FSTL5: variants seen among roughly 807,000 people sequenced by gnomAD.
FSTL5 encodes follistatin-related protein 5.
Under a neutral mutation model 89.1 loss-of-function variants are expected in FSTL5, and 62 were observed. The observed-to-expected ratio is 0.70, with a 90% CI of 0.57 to 0.86. The LOEUF (loss-of-function observed/expected upper bound fraction) is 0.86. Ranked by LOEUF, FSTL5 falls within the 40% of genes least tolerant of loss-of-function variation. The pLI is 0.00. For missense variants in FSTL5, 1,057 were observed against 1,001.6 expected (o/e 1.06, Z -0.75); for synonymous variants, 383 against 346.2 (o/e 1.11, Z -1.18).
intron 11 of FSTL5, among the ~76,000 whole-genome samples, chr4:161,503,785 C>T (rs1407034209): frequency 4.6e-5 from 7 of 151,996 alleles, no homozygotes; most frequent in Admixed American, 3.3e-4. Flanking sequence ...CACACTCACT[C>T]CCAAAAAACT....
chr4:161,514,705 T>C (rs557874485), intron 10 of FSTL5, among the ~76,000 whole-genome samples: 92 of 152,226 alleles, frequency 6.0e-4, no homozygotes, highest in African/African-American at 2.1e-3. Flanking sequence ...GATCAATTCA[T>C]TAATCTAAGA....
At chr4:161,587,679 T>C (rs775759038) in intron 7 of FSTL5, 104 bp from the exon 8 acceptor site, 29 of 780,000 alleles carry the variant, frequency 3.7e-5, no homozygotes, top group Non-Finnish European at 5.4e-5. Context: ...GACTCAAATA[T>C]TGTTTTAAAA....
At chr4:161,940,204 A>G (rs1734540300) in intron 3 of FSTL5, among the ~76,000 whole-genome samples, 1 of 151,836 alleles carries the variant, frequency 6.6e-6, no homozygotes, top group Non-Finnish European at 1.5e-5. Context: ...ACATAATTAG[A>G]AAATTTGAAG....
intron 6 of FSTL5, among the ~76,000 whole-genome samples, chr4:161,711,481 A>C (rs1738776533): frequency 6.6e-6 from 1 of 152,072 alleles, no homozygotes; most frequent in Non-Finnish European, 1.5e-5. Context: ...AACTCAATGG[A>C]TACATCAAAA....
chr4:161,992,737 G>T (rs1244187917), intron 3 of FSTL5, among the ~76,000 whole-genome samples: 1 of 149,720 alleles, frequency 6.7e-6, no homozygotes, highest in Non-Finnish European at 1.5e-5. Flanking sequence ...CCAGCTATCC[G>T]GGAGCCTGAG....
chr4:161,820,567 C>CTT, intron 4 of FSTL5, among the ~76,000 whole-genome samples: 1 of 152,176 alleles, frequency 6.6e-6, no homozygotes, highest in East Asian at 1.9e-4. Flanking sequence ...AGGGTACGGT[C>CTT]AAATCACAGA....
chr4:161,412,858 T>C (rs1453771696), intron 15 of FSTL5, among the ~76,000 whole-genome samples: 1 of 152,180 alleles, frequency 6.6e-6, no homozygotes, highest in Non-Finnish European at 1.5e-5. Flanking sequence ...GGATAACTGC[T>C]AGCCATCTGC....
chr4:161,971,259 T>C (rs1275123144), intron 3 of FSTL5, among the ~76,000 whole-genome samples: 1 of 152,176 alleles, frequency 6.6e-6, no homozygotes, highest in Non-Finnish European at 1.5e-5. Context: ...CTGAACGCTA[T>C]AAAACTGCCC....
chr4:161,473,422 T>C (rs566375503), intron 13 of FSTL5, among the ~76,000 whole-genome samples: 1 of 95,540 alleles, frequency 1.0e-5, no homozygotes, highest in East Asian at 3.4e-4. Flanking sequence ...TTGTCTCTTG[T>C]AATTTTTTTT....
At chr4:161,568,182 T>A (rs1176879039) in intron 8 of FSTL5, among the ~76,000 whole-genome samples, 1 of 152,054 alleles carries the variant, frequency 6.6e-6, no homozygotes, top group African/African-American at 2.4e-5. Context: ...ATGCAGGTAA[T>A]ATTTTGTCCT....
At chr4:161,546,352 A>G (rs1661736688) in intron 8 of FSTL5, among the ~76,000 whole-genome samples, 2 of 149,186 alleles carry the variant, frequency 1.3e-5, no homozygotes. Flanking sequence ...AGAGGTAACC[A>G]TTGTGATATT....
chr4:161,423,848 T>C (rs907401461), intron 15 of FSTL5, among the ~76,000 whole-genome samples: 1 of 150,706 alleles, frequency 6.6e-6, no homozygotes, highest in Non-Finnish European at 1.5e-5. Flanking sequence ...TTTTATTTTA[T>C]TTTATTTTAT....
chr4:161,752,021 G>T (rs1740409741), intron 6 of FSTL5, among the ~76,000 whole-genome samples: 1 of 152,136 alleles, frequency 6.6e-6, no homozygotes, highest in African/African-American at 2.4e-5. Flanking sequence ...GTGTTTGAAT[G>T]CAAGGTTTAG....
chr4:161,864,142 A>G (rs981167507), intron 4 of FSTL5, among the ~76,000 whole-genome samples: 14 of 152,110 alleles, frequency 9.2e-5, no homozygotes, highest in African/African-American at 3.4e-4. Flanking sequence ...CCATCCTGAA[A>G]TACTTTGTAA....
chr4:161,815,731 A>G (rs1330009706), intron 4 of FSTL5, among the ~76,000 whole-genome samples: 1 of 152,172 alleles, frequency 6.6e-6, no homozygotes, highest in Non-Finnish European at 1.5e-5. Flanking sequence ...TAAAAGGTAG[A>G]TACAGTATAT....
chr4:161,521,876 A>G (rs1731047463), intron 10 of FSTL5, among the ~76,000 whole-genome samples: 1 of 149,620 alleles, frequency 6.7e-6, no homozygotes, highest in Non-Finnish European at 1.5e-5. Context: ...AAAAAAAAAG[A>G]AAAAAAGGTT....
At chr4:161,649,743 C>T (rs774470621) in intron 7 of FSTL5, among the ~76,000 whole-genome samples, 1 of 152,144 alleles carries the variant, frequency 6.6e-6, no homozygotes, top group Non-Finnish European at 1.5e-5. Flanking sequence ...TTACTAGCCT[C>T]CCTGCTATGA....
intron 6 of FSTL5, among the ~76,000 whole-genome samples, chr4:161,723,460 C>T (rs892989347): frequency 5.3e-5 from 8 of 152,180 alleles, no homozygotes; most frequent in Non-Finnish European, 8.8e-5. Context: ...GAATATTAGG[C>T]AGGGCACAAC....
chr4:161,719,032 G>A (rs1739101405), intron 6 of FSTL5, among the ~76,000 whole-genome samples: 1 of 152,116 alleles, frequency 6.6e-6, no homozygotes, highest in South Asian at 2.1e-4. Flanking sequence ...GGGATATATT[G>A]ATCGAAATAA....
Sources: allele counts gnomAD v4.1 joint callset (sites outside exome capture counted in the v4.1 genomes callset), GRCh38; gene constraint gnomAD v4.1.1; transcripts MANE v1.5; gene names NCBI Gene and HGNC (gene_info 2026-07-23, HGNC 2026-07-21).